The following GLMN variants were observed in gnomAD, a reference collection of about 807,000 sequenced individuals.
The protein encoded by GLMN is glomulin, FKBP associated protein, also known as glomulin.
Under a neutral mutation model 87.8 loss-of-function variants are expected in GLMN, and 75 were observed. The ratio of observed to expected loss-of-function variants is 0.85; its 90% CI spans 0.71 to 1.04. GLMN has a LOEUF of 1.04. GLMN is among the 50% of genes least tolerant of loss of function. GLMN has a pLI of 0.00. For synonymous variants in GLMN, 206 were observed against 221.6 expected (o/e 0.93, Z 0.63); for missense variants, 588 against 658.8 (o/e 0.89, Z 1.18).
upstream of GLMN, among the ~76,000 whole-genome samples, chr1:92,303,237 G>A (rs1444213850): frequency 2.0e-5 from 3 of 152,082 alleles, no homozygotes; most frequent in Non-Finnish European, 4.4e-5. Context: ...TATTGACACA[G>A]GTAACTGCAT....
intron 7 of GLMN, among the ~76,000 whole-genome samples, chr1:92,283,450 G>A (rs1169335260): frequency 6.6e-6 from 1 of 152,100 alleles, no homozygotes; most frequent in African/African-American, 2.4e-5. Context: ...CAATAAACTA[G>A]GTATTGATGG....
the GLMN span, among the ~76,000 whole-genome samples, chr1:92,338,294 A>C: frequency 6.6e-6 from 1 of 152,230 alleles, no homozygotes; most frequent in Non-Finnish European, 1.5e-5. Flanking sequence ...GATCACTCAC[A>C]AGTTCAGGGA....
chr1:92,335,778 C>T, the GLMN span, among the ~76,000 whole-genome samples: 1 of 152,008 alleles, frequency 6.6e-6, no homozygotes, highest in Non-Finnish European at 1.5e-5. Context: ...AACCAATCAC[C>T]TATTGATACA....
chr1:92,327,219 A>G, the GLMN span, among the ~76,000 whole-genome samples: 1 of 152,154 alleles, frequency 6.6e-6, no homozygotes, highest in African/African-American at 2.4e-5. Flanking sequence ...TCATTCAGGA[A>G]CAGGTCTTGA....
At chr1:92,311,711 A>G in the GLMN span, among the ~76,000 whole-genome samples, 1 of 152,210 alleles carries the variant, frequency 6.6e-6, no homozygotes, top group African/African-American at 2.4e-5. Context: ...TTGGTTCCAG[A>G]CCACCACTAT....
At chr1:92,352,323 C>A in the GLMN span, among the ~76,000 whole-genome samples, 265 of 152,268 alleles carry the variant, frequency 1.7e-3, 1 homozygote, top group African/African-American at 6.2e-3. Context: ...AAACAAAAGC[C>A]ATCACTGGAC....
intron 7 of GLMN, among the ~76,000 whole-genome samples, chr1:92,282,486 G>A (rs187408639): frequency 6.6e-6 from 1 of 152,292 alleles, no homozygotes; most frequent in East Asian, 1.9e-4. Context: ...TGAGTAGAGG[G>A]AAATTTATAG....
At chr1:92,322,203 C>T in the GLMN span, among the ~76,000 whole-genome samples, 2 of 151,542 alleles carry the variant, frequency 1.3e-5, no homozygotes, top group Non-Finnish European at 2.9e-5. Flanking sequence ...GCCTTGGCCT[C>T]CCAAGGTGCT....
chr1:92,255,207 T>A (rs970151463), intron 16 of GLMN, among the ~76,000 whole-genome samples: 7 of 151,996 alleles, frequency 4.6e-5, no homozygotes, highest in Non-Finnish European at 8.8e-5. Context: ...CAAGAAGAGC[T>A]AACTATCTTA....
chr1:92,296,343 T>C (rs1273460272), intron 3 of GLMN, among the ~76,000 whole-genome samples: 2 of 152,208 alleles, frequency 1.3e-5, no homozygotes, highest in African/African-American at 2.4e-5. Flanking sequence ...AGAGGTTTAA[T>C]TGACATGCAG....
chr1:92,368,613 A>G, the GLMN span, among the ~76,000 whole-genome samples: 1 of 152,340 alleles, frequency 6.6e-6, no homozygotes, highest in Non-Finnish European at 1.5e-5. Context: ...GAAGGTTTTA[A>G]TAAAAATGCC....
chr1:92,360,241 C>A, the GLMN span, among the ~76,000 whole-genome samples: 200 of 152,290 alleles, frequency 1.3e-3, no homozygotes, highest in Admixed American at 2.5e-3. Context: ...TAGTTGCTGT[C>A]TGCTAAACGA....
intron 16 of GLMN, among the ~76,000 whole-genome samples, chr1:92,251,729 T>C (rs896313076): frequency 6.6e-6 from 1 of 152,080 alleles, no homozygotes; most frequent in African/African-American, 2.4e-5. Flanking sequence ...AAGTTGAAAA[T>C]TTTTTTCTTT....
At chr1:92,318,000 GCTAT>G in the GLMN span, among the ~76,000 whole-genome samples, 1 of 152,126 alleles carries the variant, frequency 6.6e-6, no homozygotes, top group Non-Finnish European at 1.5e-5. Flanking sequence ...TCAATCTGCA[GCTAT>G]CACTCCTGAG....
At chr1:92,269,468 C>A (rs1217835823) in intron 9 of GLMN, among the ~76,000 whole-genome samples, 2 of 152,030 alleles carry the variant, frequency 1.3e-5, no homozygotes, top group Admixed American at 1.3e-4. Flanking sequence ...AGAGAAGAAA[C>A]CTTAGAAACA....
chr1:92,294,081 T>C (rs554084708), intron 3 of GLMN, among the ~76,000 whole-genome samples: 1 of 152,266 alleles, frequency 6.6e-6, no homozygotes, highest in South Asian at 2.1e-4. Context: ...TAACTAATTG[T>C]ACATTTTAAA....
intron 6 of GLMN, 28 bp downstream of exon 6, chr1:92,288,886 T>C: frequency 9.4e-7 from 1 of 1,063,784 alleles, no homozygotes; most frequent in Non-Finnish European, 1.5e-6. Flanking sequence ...TTAAGTCCAC[T>C]GTGAGATGTT....
At chr1:92,366,187 C>T in the GLMN span, among the ~76,000 whole-genome samples, 14 of 152,090 alleles carry the variant, frequency 9.2e-5, no homozygotes, top group African/African-American at 2.4e-4. Flanking sequence ...CCTGTAGTCT[C>T]GGCTATTTGG....
At chr1:92,248,296 A>G (rs554391218) in intron 16 of GLMN, 1 of 260,834 alleles carries the variant, frequency 3.8e-6, no homozygotes, top group East Asian at 1.0e-4. Flanking sequence ...CTCTTCCTCT[A>G]TGAGCCATCT....
Sources: allele counts gnomAD v4.1 joint callset (sites outside exome capture counted in the v4.1 genomes callset), GRCh38; gene constraint gnomAD v4.1.1; transcripts MANE v1.5; gene names NCBI Gene and HGNC (gene_info 2026-07-23, HGNC 2026-07-21).